Variants in CFAP43 observed in about 807,000 individuals in gnomAD.
The protein encoded by CFAP43 is cilia- and flagella-associated protein 43.
A neutral mutation model predicts 218.9 loss-of-function variants in CFAP43; 155 were observed. The ratio of observed to expected loss-of-function variants is 0.71; its 90% CI spans 0.62 to 0.81. The LOEUF is 0.81. Among genes scored for constraint, CFAP43 ranks in the 30% least tolerant of loss-of-function variants. CFAP43 has a pLI of 0.00. For synonymous variants in CFAP43, 645 were observed against 681.3 expected (o/e 0.95, Z 0.83); for missense variants, 1,778 against 1,954.3 (o/e 0.91, Z 1.70).
At chr10:104,168,013 CT>C (rs1421555954) in intron 21 of CFAP43, among the ~76,000 whole-genome samples, 1 of 152,112 alleles carries the variant, frequency 6.6e-6, no homozygotes, top group Non-Finnish European at 1.5e-5. Flanking sequence ...TCTCCCTATC[CT>C]TTGCCCCCAA....
Position 104,218,297 on chromosome 10 carries a change from G to A in CFAP43, c.417-3871C>T, listed in dbSNP as rs188334154. Reference sequence around the variant, plus strand: ...CGGGAGGCAGAGGTTGCAGTGAGCCGAGATCGCACCACTGCACTCCAGCTT... The same window carrying A: ...CGGGAGGCAGAGGTTGCAGTGAGCCAAGATCGCACCACTGCACTCCAGCTT... On this transcript the variant is annotated intron_variant, in intron 3 of 37. Coordinates refer to ENST00000357060, the MANE Select transcript of CFAP43 (RefSeq NM_025145.7). 7.3e-3 allele frequency among the ~76,000 whole-genome samples: 1,047 copies of A among 143,372 alleles called. 15 individuals carry two copies. The highest frequency in any genetic ancestry group is 0.025 in the African/African-American group (989 of 39,390). 94.1% of individuals were successfully genotyped at this position (143,372 alleles called of 152,430 possible). A position where few individuals can be genotyped will look rare whatever the true frequency, so the allele number is the denominator to read the frequency against.
rs1380939623 is a variant in CFAP43, at chr10:104,146,342, G to C, written c.3776C>G (p.Thr1259Ser). The change falls in exon 30 of 38, where the codon ACT (threonine) becomes AGT (serine). Residue 1259 changes from threonine (T) to serine (S), a missense_variant. Transcript: ENST00000357060. ...LTRKQHEKSQTSEAVRKSRED... is the reference protein window; with the variant it reads ...LTRKQHEKSQSSEAVRKSRED... Reference sequence around the variant, plus strand: ...TCTAGATTTCCGAACAGCTTCTGAAGTCTGGCTCTATAACAGCATCAGGAA... The same window carrying C: ...TCTAGATTTCCGAACAGCTTCTGAACTCTGGCTCTATAACAGCATCAGGAA... 1 of 1,613,452 alleles carries C rather than the reference G, an allele frequency of 6.2e-7. No individual in the cohort carries two copies. The highest frequency in any genetic ancestry group is 8.5e-7 in the Non-Finnish European group (1 of 1,179,504).
At chr10:104,192,893 A>T (rs1589749052) in intron 11 of CFAP43, 1 of 154,732 alleles carries the variant, frequency 6.5e-6, no homozygotes, top group Non-Finnish European at 1.4e-5. Context: ...CCAGCTCCTC[A>T]GTGTGCTAGC....
At chr10:104,191,791 G>A (rs777914016) in intron 12 of CFAP43, among the ~76,000 whole-genome samples, 3 of 42,532 alleles carry the variant, frequency 7.1e-5, no homozygotes, top group Non-Finnish European at 1.3e-4. Flanking sequence ...TGTGTGTGTG[G>A]GGGGGGGGAA....
Position 104,148,539 on chromosome 10 carries a change from T to C in CFAP43, c.3661-541A>G, listed in dbSNP as rs181655550. 3.2e-3 allele frequency among the ~76,000 whole-genome samples: 484 copies of C among 152,262 alleles called. 2 individuals are homozygous for C. The highest frequency in any genetic ancestry group is 0.011 in the African/African-American group (460 of 41,556). ...GTCATGGGTATGGGTCCCTCATGAATAGATCAATTCCCTCCCTCAGGGGTG... is the reference window on the plus strand; with the variant it reads ...GTCATGGGTATGGGTCCCTCATGAACAGATCAATTCCCTCCCTCAGGGGTG... On this transcript the variant is annotated intron_variant, in intron 28 of 37. Coordinates refer to ENST00000357060, the MANE Select transcript of CFAP43 (RefSeq NM_025145.7).
At chr10:104,171,323 C>G (rs1383931971) in intron 20 of CFAP43, among the ~76,000 whole-genome samples, 1 of 152,210 alleles carries the variant, frequency 6.6e-6, no homozygotes, top group African/African-American at 2.4e-5. Context: ...CTAAGTCAGT[C>G]TGTTGAGATA....
chr10:104,164,422 C>G (rs1369365194), intron 23 of CFAP43, 122 bp from the exon 24 acceptor site: 1 of 717,674 alleles, frequency 1.4e-6, no homozygotes, highest in South Asian at 1.9e-5. Flanking sequence ...TTTTGAGATG[C>G]AGTCTCGCTT....
intron 12 of CFAP43, among the ~76,000 whole-genome samples, chr10:104,189,399 C>A (rs1033382685): frequency 1.3e-5 from 2 of 152,158 alleles, no homozygotes; most frequent in Admixed American, 1.3e-4. Context: ...AATTTTCTTA[C>A]CTCTATTCCC....
chr10:104,226,098 T>C (rs1235062116), intron 2 of CFAP43, among the ~76,000 whole-genome samples: 1 of 152,230 alleles, frequency 6.6e-6, no homozygotes, highest in Non-Finnish European at 1.5e-5. Context: ...CAACAACATG[T>C]TTTAAAATGC....
At position 104,140,857 on chromosome 10, in the gene CFAP43, C is replaced by T; in HGVS notation, c.4416G>A (p.Leu1472=). The T allele has an allele frequency of 6.3e-7, 1 of 1,596,160 alleles. No homozygotes were observed. Residue 1472 remains leucine, a synonymous_variant, in exon 34 of 38, where the codon TTG becomes TTA. Coordinates refer to ENST00000357060, the MANE Select transcript of CFAP43 (RefSeq NM_025145.7). ...ILINKNIIED[L]NSVIRTQGQK... The stretch of plus-strand genomic sequence containing the variant: ...GTATAATTACCCGAATCACAGAATT[C>T]AAGTCTTCAATTATGTTCTTGTTGA...
At chr10:104,208,180 G>A (rs1392436711) in intron 5 of CFAP43, among the ~76,000 whole-genome samples, 1 of 152,172 alleles carries the variant, frequency 6.6e-6, no homozygotes, top group Non-Finnish European at 1.5e-5. Context: ...GACTCATAAG[G>A]AAGAGAGTTA....
At chr10:104,187,516 G>A (rs1480702600) in intron 13 of CFAP43, 24 bp from the exon 14 acceptor site, 1 of 1,509,846 alleles carries the variant, frequency 6.6e-7, no homozygotes, top group African/African-American at 1.4e-5. Flanking sequence ...AAAAAGAAGA[G>A]AAATCACTTG....
chr10:104,179,691 TC>T, intron 18 of CFAP43, 148 bp downstream of exon 18: 1 of 626,064 alleles, frequency 1.6e-6, no homozygotes, highest in East Asian at 2.7e-5. Flanking sequence ...TTATTTGCTT[TC>T]CGAAAAGTTA....
intron 34 of CFAP43, among the ~76,000 whole-genome samples, chr10:104,136,277 A>AAAGT (rs1554856626): frequency 1.1e-5 from 1 of 91,086 alleles, no homozygotes; most frequent in African/African-American, 7.3e-5. Flanking sequence ...AAAAAAAAAA[A>AAAGT]AGAAGAAAAG....
chr10:104,136,957 A>G (rs768338512), intron 34 of CFAP43, among the ~76,000 whole-genome samples: 1 of 152,220 alleles, frequency 6.6e-6, no homozygotes, highest in Non-Finnish European at 1.5e-5. Context: ...GCAAACAACA[A>G]AAAAGAGAAA....
In CFAP43 at chr10:104,230,600, G is replaced by C. The variant is rs372622362; in HGVS notation, c.309C>G (p.Thr103=). The change falls in exon 2 of 38, where the codon ACC becomes ACG. Residue 103 remains threonine, a synonymous_variant. Transcript: ENST00000357060. ...GGTTCTCTAGAATACCTTTCAATTT[G>C]GTCCTTCTGGTCAATCCTGGAAAGC... The part of the protein sequence containing the change: ...VYSFPGLTRR[T]KLKGNILLDY... The C allele has an allele frequency of 3.1e-6, 5 of 1,613,830 alleles. No individual in the cohort carries two copies. Among genetic ancestry groups the C allele is most frequent in the Non-Finnish European group, 4.2e-6 (5 of 1,179,936 alleles).
chr10:104,227,022 T>G (rs1371522174), intron 2 of CFAP43, among the ~76,000 whole-genome samples: 1 of 151,976 alleles, frequency 6.6e-6, no homozygotes, highest in African/African-American at 2.4e-5. Flanking sequence ...TGTCTCATCA[T>G]ATATATATAA....
intron 12 of CFAP43, among the ~76,000 whole-genome samples, chr10:104,191,790 G>T (rs949993067): frequency 2.3e-4 from 8 of 35,430 alleles, no homozygotes; most frequent in African/African-American, 8.5e-4. Context: ...TTGTGTGTGT[G>T]GGGGGGGGGA....
At chr10:104,145,102 G>A (rs2087898690) in intron 31 of CFAP43, among the ~76,000 whole-genome samples, 1 of 152,152 alleles carries the variant, frequency 6.6e-6, no homozygotes, top group Admixed American at 6.5e-5. Context: ...ATTACAAGTA[G>A]TTCCGATTTA....
Sources: allele counts gnomAD v4.1 joint callset (sites outside exome capture counted in the v4.1 genomes callset), GRCh38; gene constraint gnomAD v4.1.1; transcripts MANE v1.5; gene names NCBI Gene and HGNC (gene_info 2026-07-23, HGNC 2026-07-21).